NFILZ: variants seen among roughly 807,000 people sequenced by gnomAD.
NFILZ encodes NFIL3 like basic leucine zipper.
chr19:8,646,878 C>T (rs1234507127), intron 3 of NFILZ, among the ~76,000 whole-genome samples: 2 of 152,160 alleles, frequency 1.3e-5, no homozygotes, highest in East Asian at 1.9e-4. Context: ...CCTCCTGACC[C>T]GGATCTAGGC....
chr19:8,653,038 T>TCTCCCTCTCTCTCTC (rs2042975227), intron 3 of NFILZ, among the ~76,000 whole-genome samples: 5 of 90,500 alleles, frequency 5.5e-5, no homozygotes, highest in Non-Finnish European at 1.1e-4. Context: ...CTTTCTTTCT[T>TCTCCCTCTCTCTCTC]TCTCTCTCTC....
intron 3 of NFILZ, among the ~76,000 whole-genome samples, chr19:8,641,199 A>C (rs1186818995): frequency 6.7e-6 from 1 of 149,886 alleles, no homozygotes; most frequent in East Asian, 1.9e-4. Context: ...ACTGGCATGC[A>C]CCACCACACC....
chr19:8,656,359 A>AAGCCCACCTTCTCCTGC (rs2042997360), intron 3 of NFILZ, among the ~76,000 whole-genome samples: 1 of 83,778 alleles, frequency 1.2e-5, no homozygotes, highest in African/African-American at 4.3e-5. Context: ...CTCTTCCCTG[A>AAGCCCACCTTCTCCTGC]AGCCCACCTT....
chr19:8,661,185 C>A (rs1444687471), intron 3 of NFILZ, among the ~76,000 whole-genome samples: 1 of 144,846 alleles, frequency 6.9e-6, no homozygotes, highest in African/African-American at 2.6e-5. Context: ...TTCTTTCCTC[C>A]TTTCTTTTTC....
intron 3 of NFILZ, among the ~76,000 whole-genome samples, chr19:8,650,148 G>T (rs1399368323): frequency 6.6e-6 from 1 of 151,582 alleles, no homozygotes; most frequent in Non-Finnish European, 1.5e-5. Context: ...AAATTACTGC[G>T]GTTACAGCTG....
In NFILZ at chr19:8,656,939, A is replaced by G. The variant is rs144319083; in HGVS notation, c.-163-17612A>G. Among the ~76,000 whole-genome samples, 1,312 of 152,042 alleles carry G rather than the reference A, an allele frequency of 8.6e-3. 19 individuals carry two copies. The highest frequency in any genetic ancestry group is 0.03 in the African/African-American group (1,261 of 41,456). On this transcript the variant is annotated intron_variant, in intron 3 of 5. Transcript: ENST00000691075. ...GTAAATCTGGTGGTTAGGTGGGTCCAGTCACCGTGCTGAAGGTCTTTGTCC... is the reference window on the plus strand; with the variant it reads ...GTAAATCTGGTGGTTAGGTGGGTCCGGTCACCGTGCTGAAGGTCTTTGTCC...
At chr19:8,652,755 TTC>T (rs2146148244) in intron 3 of NFILZ, among the ~76,000 whole-genome samples, 1 of 151,522 alleles carries the variant, frequency 6.6e-6, no homozygotes, top group Admixed American at 6.6e-5. Context: ...GTGTCTGCAT[TTC>T]TTTCTTTCTT....
At chr19:8,669,988 C>T (rs1478669213) in intron 3 of NFILZ, among the ~76,000 whole-genome samples, 1 of 152,134 alleles carries the variant, frequency 6.6e-6, no homozygotes, top group Admixed American at 6.5e-5. Context: ...GGGAGATTCT[C>T]CACGGATGTT....
chr19:8,639,810 T>A (rs2042911219), intron 3 of NFILZ, among the ~76,000 whole-genome samples: 1 of 152,090 alleles, frequency 6.6e-6, no homozygotes, highest in Non-Finnish European at 1.5e-5. Flanking sequence ...TTATATGCGG[T>A]AGGCGTGTGT....
rs1008411586 is a variant in NFILZ at position 8,680,403 on chromosome 19, G to T, written c.*2768G>T. ...CATTGTTTCATTTTATTCAAGGCAT[G>T]TTTTGTTGTAAAAAGTCTGAAAATC... is the stretch of plus-strand genomic sequence containing the variant. On this transcript the variant is annotated 3_prime_UTR_variant, in exon 6 of 6. Coordinates refer to ENST00000691075, the MANE Select transcript of NFILZ (RefSeq NM_001378600.1). Among the ~76,000 whole-genome samples the T allele has an allele frequency of 1.4e-5, 2 of 145,418 alleles. No individual in the cohort carries two copies. The highest frequency in any genetic ancestry group is 5.3e-5 in the African/African-American group (2 of 37,786).
chr19:8,664,234 C>T (rs1259671408), intron 3 of NFILZ, among the ~76,000 whole-genome samples: 1 of 152,206 alleles, frequency 6.6e-6, no homozygotes, highest in Non-Finnish European at 1.5e-5. Flanking sequence ...GCCTTTGCTG[C>T]AAACCTGTGC....
rs140247462 is a variant in NFILZ, at chr19:8,633,021, C to CTTTTT, written c.-261+409_-261+413dup. On this transcript the variant is annotated intron_variant, in intron 2 of 5. Coordinates refer to ENST00000691075, the MANE Select transcript of NFILZ (RefSeq NM_001378600.1). ...TACAGGCATGAACCACTGCACCTGC[C>CTTTTT]TTTTTTTTTTTTTTTTTGAGACAGA... is the stretch of plus-strand genomic sequence containing the variant. Among the ~76,000 whole-genome samples the CTTTTT allele has an allele frequency of 1.3e-3, 157 of 118,460 alleles. 8 individuals carry two copies. The highest frequency in any genetic ancestry group is 5.2e-3 in the African/African-American group (151 of 29,002). The allele number at this position is 118,460 out of a possible 152,430, so 77.7% of individuals were successfully genotyped here. A position where few individuals can be genotyped will look rare whatever the true frequency, so the allele number is the denominator to read the frequency against.
At chr19:8,653,047 T>TCC (rs2042976108) in intron 3 of NFILZ, among the ~76,000 whole-genome samples, 2 of 69,886 alleles carry the variant, frequency 2.9e-5, no homozygotes, top group Non-Finnish European at 6.1e-5. Flanking sequence ...TTTCTCTCTC[T>TCC]CTCTCTCTCT....
chr19:8,674,146 T>C (rs2043100800), intron 3 of NFILZ, among the ~76,000 whole-genome samples: 1 of 152,150 alleles, frequency 6.6e-6, no homozygotes, highest in Admixed American at 6.6e-5. Context: ...GGCCTTATTT[T>C]TTATTCTCCA....
At chr19:8,651,248 G>A (rs1229939898) in intron 3 of NFILZ, among the ~76,000 whole-genome samples, 1 of 149,042 alleles carries the variant, frequency 6.7e-6, no homozygotes, top group Non-Finnish European at 1.5e-5. Flanking sequence ...TGCAACCTCC[G>A]CCTCCCAGGT....
chr19:8,635,049 C>G (rs947500104), intron 2 of NFILZ, among the ~76,000 whole-genome samples: 5 of 152,034 alleles, frequency 3.3e-5, no homozygotes, highest in Admixed American at 1.3e-4. Flanking sequence ...GTGGCTCACA[C>G]TTGTAATCCT....
intron 1 of NFILZ, among the ~76,000 whole-genome samples, chr19:8,631,763 C>T (rs1433410153): frequency 1.3e-5 from 2 of 151,946 alleles, no homozygotes; most frequent in East Asian, 3.9e-4. Context: ...CCGTCTACAC[C>T]CGCTGACCTC....
intron 3 of NFILZ, among the ~76,000 whole-genome samples, chr19:8,654,739 C>G (rs553092925): frequency 7.9e-5 from 12 of 152,210 alleles, no homozygotes; most frequent in Non-Finnish European, 1.8e-4. Flanking sequence ...CCACCAGGTG[C>G]CGCTGCTCCC....
intron 1 of NFILZ, 65 bp from the exon 2 acceptor site, chr19:8,632,411 G>A (rs989708232): frequency 5.3e-5 from 8 of 152,162 alleles, no homozygotes; most frequent in African/African-American, 1.9e-4. Context: ...CTAAGCCACA[G>A]GATGAGAGGG....
Sources: gnomAD v4.1 joint callset for allele counts (sites outside exome capture counted in the v4.1 genomes callset) on GRCh38, gnomAD v4.1.1 for gene constraint, MANE v1.5 for transcripts, NCBI Gene and HGNC (gene_info 2026-07-23, HGNC 2026-07-21) for gene names.